The following SUPT3H variants were observed in gnomAD, a reference collection of about 807,000 sequenced individuals.
SUPT3H encodes transcription initiation protein SPT3 homolog.
Under a neutral mutation model 44.3 loss-of-function variants are expected in SUPT3H, and 44 were observed. That is an observed-to-expected ratio of 0.99 (90% confidence interval 0.78 to 1.28). The LOEUF (loss-of-function observed/expected upper bound fraction) is 1.28. SUPT3H is among the 50% of genes most tolerant of loss of function. The pLI is 0.00. For missense variants in SUPT3H, 380 were observed against 387.1 expected (o/e 0.98, Z 0.15); for synonymous variants, 124 against 125.6 (o/e 0.99, Z 0.09).
chr6:44,965,980 G>T (rs1309002824), intron 6 of SUPT3H, among the ~76,000 whole-genome samples: 1 of 152,038 alleles, frequency 6.6e-6, no homozygotes, highest in Admixed American at 6.5e-5. Context: ...CGTGTTGACC[G>T]GCCTAAGACC....
intron 2 of SUPT3H, among the ~76,000 whole-genome samples, chr6:45,302,196 C>A (rs868497349): frequency 1.3e-5 from 2 of 152,052 alleles, no homozygotes; most frequent in Middle Eastern, 3.4e-3. Flanking sequence ...GATTATGATG[C>A]TCCCATCATG....
At chr6:44,888,592 A>G (rs952862902) in intron 10 of SUPT3H, among the ~76,000 whole-genome samples, 19 of 152,306 alleles carry the variant, frequency 1.2e-4, no homozygotes, top group South Asian at 2.1e-4. Flanking sequence ...CTCTCAATAA[A>G]TTAGGTATTG....
At chr6:45,338,356 A>T (rs181022355) in intron 2 of SUPT3H, among the ~76,000 whole-genome samples, 4,474 of 150,790 alleles carry the variant, frequency 0.03, 92 homozygotes, top group Non-Finnish European at 0.047. Context: ...AAAAAAAAAA[A>T]TTATAGGCAA....
At chr6:44,837,901 A>T (rs1561860823) in intron 10 of SUPT3H, among the ~76,000 whole-genome samples, 2 of 152,176 alleles carry the variant, frequency 1.3e-5, no homozygotes, top group African/African-American at 4.8e-5. Flanking sequence ...GACAATACTG[A>T]TGTAAGACAA....
At chr6:45,248,048 T>C (rs2153650970) in intron 2 of SUPT3H, among the ~76,000 whole-genome samples, 1 of 152,194 alleles carries the variant, frequency 6.6e-6, no homozygotes, top group East Asian at 1.9e-4. Context: ...TATTGACCCA[T>C]ACTTTACAAC....
rs371384817 is a variant in SUPT3H at position 45,160,763 on chromosome 6, C to T, written c.102-54757G>A. ...GTAGGCAATACAAAAATTTGTTATACAAGAAAAAATATGGATACCCAAAGT... is the reference window on the plus strand; with the variant it reads ...GTAGGCAATACAAAAATTTGTTATATAAGAAAAAATATGGATACCCAAAGT... On this transcript the variant is annotated intron_variant, in intron 2 of 10. Coordinates refer to ENST00000371459, the MANE Select transcript of SUPT3H (RefSeq NM_003599.4). 4.6e-5 allele frequency among the ~76,000 whole-genome samples: 7 copies of T among 152,120 alleles called. No individual in the cohort carries two copies. In the East Asian group the frequency reaches 1.4e-3, roughly 29 times the overall value.
At chr6:45,228,604 C>T (rs893678429) in intron 2 of SUPT3H, among the ~76,000 whole-genome samples, 1 of 152,080 alleles carries the variant, frequency 6.6e-6, no homozygotes, top group Non-Finnish European at 1.5e-5. Flanking sequence ...CACACACACA[C>T]ACTATTGGTT....
intron 3 of SUPT3H, among the ~76,000 whole-genome samples, chr6:45,094,857 T>G (rs1484439483): frequency 6.6e-6 from 1 of 152,036 alleles, no homozygotes; most frequent in East Asian, 1.9e-4. Context: ...CATTTTTACT[T>G]AAGAAGTAAA....
chr6:45,305,693 A>G (rs1782883331), intron 2 of SUPT3H, among the ~76,000 whole-genome samples: 1 of 152,198 alleles, frequency 6.6e-6, no homozygotes, highest in African/African-American at 2.4e-5. Context: ...TAAAAATCCA[A>G]TAATGGAAAT....
intron 2 of SUPT3H, among the ~76,000 whole-genome samples, chr6:45,163,250 G>A (rs1486036710): frequency 6.6e-6 from 1 of 152,002 alleles, no homozygotes; most frequent in African/African-American, 2.4e-5. Flanking sequence ...AGCTCAAGTT[G>A]GTACAATTCA....
chr6:44,880,577 A>C (rs575081866), intron 10 of SUPT3H, among the ~76,000 whole-genome samples: 1 of 152,210 alleles, frequency 6.6e-6, no homozygotes, highest in African/African-American at 2.4e-5. Flanking sequence ...AATACAGAGA[A>C]CACCACAAAG....
chr6:45,163,743 C>T (rs1260737489), intron 2 of SUPT3H, among the ~76,000 whole-genome samples: 1 of 147,810 alleles, frequency 6.8e-6, no homozygotes, highest in Non-Finnish European at 1.5e-5. Flanking sequence ...CTTTTCAACT[C>T]AAATCAACAT....
At chr6:45,288,783 C>A (rs1165247445) in intron 2 of SUPT3H, among the ~76,000 whole-genome samples, 1 of 151,666 alleles carries the variant, frequency 6.6e-6, no homozygotes, top group African/African-American at 2.4e-5. Context: ...ATAAAGAACA[C>A]AACTTTTTCT....
At chr6:45,140,777 T>G (rs1233732092) in intron 2 of SUPT3H, among the ~76,000 whole-genome samples, 1 of 152,066 alleles carries the variant, frequency 6.6e-6, no homozygotes, top group African/African-American at 2.4e-5. Flanking sequence ...GTAGCCCCAC[T>G]GGGTGGCTAG....
intron 2 of SUPT3H, among the ~76,000 whole-genome samples, chr6:45,195,455 T>C (rs1815861305): frequency 6.6e-6 from 1 of 152,160 alleles, no homozygotes; most frequent in Admixed American, 6.6e-5. Context: ...AGTGGCCCTA[T>C]GAATATTATC....
At position 44,827,845 on chromosome 6, in the gene SUPT3H, G is replaced by GT. The variant is rs869131900; in HGVS notation, c.*1970dup. 6.8e-4 allele frequency among the ~76,000 whole-genome samples: 93 copies of GT among 136,954 alleles called. No homozygotes were observed. The highest frequency in any genetic ancestry group is 8.1e-3 in the Middle Eastern group (2 of 246). The allele number at this position is 136,954 out of a possible 152,430, so 89.8% of individuals were successfully genotyped here. A position where few individuals can be genotyped will look rare whatever the true frequency, so the allele number is the denominator to read the frequency against. On this transcript the variant is annotated 3_prime_UTR_variant, in exon 11 of 11. Transcript: ENST00000371459. ...ACTGGCTTATGATGAAAAATGAAAG[G>GT]TTTTATATGAACTTACTGGGCAAAA... is the stretch of plus-strand genomic sequence containing the variant.
chr6:45,361,325 T>G (rs1256732156), intron 2 of SUPT3H, among the ~76,000 whole-genome samples: 1 of 152,108 alleles, frequency 6.6e-6, no homozygotes, highest in African/African-American at 2.4e-5. Flanking sequence ...ACTCCCAATT[T>G]TTAAAAACGT....
intron 10 of SUPT3H, among the ~76,000 whole-genome samples, chr6:44,899,968 G>A (rs1561997759): frequency 6.6e-6 from 1 of 152,202 alleles, no homozygotes; most frequent in Non-Finnish European, 1.5e-5. Flanking sequence ...TTACCTTGAT[G>A]ATTAAGATAC....
chr6:45,354,630 T>TACAC (rs35189031), intron 2 of SUPT3H, among the ~76,000 whole-genome samples: 17 of 149,810 alleles, frequency 1.1e-4, no homozygotes, highest in African/African-American at 2.9e-4. Context: ...CACGCACACA[T>TACAC]ACACACACAC....
Sources: gnomAD v4.1 joint callset for allele counts (sites outside exome capture counted in the v4.1 genomes callset) on GRCh38, gnomAD v4.1.1 for gene constraint, MANE v1.5 for transcripts, NCBI Gene and HGNC (gene_info 2026-07-23, HGNC 2026-07-21) for gene names.